Variants in KCNH7 observed in about 807,000 individuals in gnomAD.
The protein encoded by KCNH7 is voltage-gated inwardly rectifying potassium channel KCNH7.
Under a neutral mutation model 120.8 loss-of-function variants are expected in KCNH7, and 49 were observed. That is an observed-to-expected ratio of 0.41 (90% CI 0.32 to 0.51). The LOEUF (loss-of-function observed/expected upper bound fraction) is 0.51, where lower values mean the gene tolerates loss of function less well. Among genes scored for constraint, KCNH7 ranks in the 20% least tolerant of loss-of-function variants. The probability of loss-of-function intolerance (pLI) is 0.38; values close to 1 mark genes in which losing one functional copy is unlikely to be tolerated. For missense variants in KCNH7, 1,097 were observed against 1,446.6 expected (o/e 0.76, Z 3.92); for synonymous variants, 547 against 516.1 (o/e 1.06, Z -0.81).
At chr2:162,590,832 A>AGAG (rs909985859) in intron 2 of KCNH7, among the ~76,000 whole-genome samples, 3 of 152,162 alleles carry the variant, frequency 2.0e-5, no homozygotes, top group Admixed American at 2.0e-4. Context: ...CACATCTGTT[A>AGAG]GAGTAATTTT....
chr2:162,799,185 T>G (rs1684254061), intron 2 of KCNH7, among the ~76,000 whole-genome samples: 1 of 152,006 alleles, frequency 6.6e-6, no homozygotes, highest in African/African-American at 2.4e-5. Flanking sequence ...TGTTTTCTCC[T>G]TTTTAACTGG....
At chr2:162,529,514 T>G (rs892685584) in intron 3 of KCNH7, among the ~76,000 whole-genome samples, 2 of 151,970 alleles carry the variant, frequency 1.3e-5, no homozygotes, top group African/African-American at 4.8e-5. Context: ...ATTCATGCTA[T>G]AGAAGACATA....
intron 2 of KCNH7, among the ~76,000 whole-genome samples, chr2:162,790,886 G>A (rs537099271): frequency 4.4e-4 from 67 of 151,654 alleles, no homozygotes; most frequent in Non-Finnish European, 7.2e-4. Flanking sequence ...ACTCAATGGC[G>A]AAATGCTGAA....
At chr2:162,438,577 T>A (rs901426091) in intron 7 of KCNH7, among the ~76,000 whole-genome samples, 1 of 152,184 alleles carries the variant, frequency 6.6e-6, no homozygotes, top group East Asian at 1.9e-4. Flanking sequence ...GTAGTAATTA[T>A]GTCTCTCAGT....
At chr2:162,579,513 G>C (rs1693803423) in intron 2 of KCNH7, among the ~76,000 whole-genome samples, 1 of 152,018 alleles carries the variant, frequency 6.6e-6, no homozygotes, top group Non-Finnish European at 1.5e-5. Context: ...GTAGGTTGGA[G>C]ACTCGTTAAC....
intron 6 of KCNH7, among the ~76,000 whole-genome samples, chr2:162,472,624 C>A (rs901676846): frequency 7.7e-4 from 118 of 152,268 alleles, no homozygotes; most frequent in South Asian, 2.9e-3. Context: ...AATAGGAACA[C>A]TTTTACACTG....
intron 2 of KCNH7, among the ~76,000 whole-genome samples, chr2:162,683,436 T>C (rs1192072320): frequency 6.6e-6 from 1 of 151,950 alleles, no homozygotes; most frequent in Non-Finnish European, 1.5e-5. Context: ...TAATCACCTA[T>C]AATTTCCTTA....
At chr2:162,617,844 G>A (rs995391696) in intron 2 of KCNH7, among the ~76,000 whole-genome samples, 1 of 152,012 alleles carries the variant, frequency 6.6e-6, no homozygotes, top group Non-Finnish European at 1.5e-5. Context: ...ATCTTCTGCC[G>A]TCATTAAAAT....
chr2:162,831,372 G>C (rs1230673722), intron 2 of KCNH7, among the ~76,000 whole-genome samples: 1 of 152,128 alleles, frequency 6.6e-6, no homozygotes, highest in Non-Finnish European at 1.5e-5. Context: ...ACTTCGGAAG[G>C]ACAGCAGGCT....
chr2:162,767,280 T>TA (rs1230307403), intron 2 of KCNH7, among the ~76,000 whole-genome samples: 3 of 152,042 alleles, frequency 2.0e-5, no homozygotes, highest in Admixed American at 6.6e-5. Flanking sequence ...TTTAAAAAAA[T>TA]AAAAAAATAA....
At chr2:162,479,093 A>C (rs1173987585) in intron 6 of KCNH7, among the ~76,000 whole-genome samples, 2 of 151,692 alleles carry the variant, frequency 1.3e-5, no homozygotes, top group African/African-American at 2.4e-5. Flanking sequence ...GGAATGACTC[A>C]ATTATTGAAA....
chr2:162,756,452 C>T (rs1404574159), intron 2 of KCNH7, among the ~76,000 whole-genome samples: 1 of 151,986 alleles, frequency 6.6e-6, no homozygotes, highest in Non-Finnish European at 1.5e-5. Context: ...AACTCTTTTG[C>T]TTCCATTTAA....
intron 9 of KCNH7, among the ~76,000 whole-genome samples, chr2:162,416,618 G>A (rs1687548557): frequency 6.6e-6 from 1 of 152,094 alleles, no homozygotes; most frequent in Admixed American, 6.6e-5. Flanking sequence ...CCACAGACAT[G>A]TTTTAGCTTT....
chr2:162,547,447 T>C (rs1212998996), intron 2 of KCNH7, among the ~76,000 whole-genome samples: 1 of 152,200 alleles, frequency 6.6e-6, no homozygotes, highest in Non-Finnish European at 1.5e-5. Context: ...ACTAATTTTA[T>C]TGCTCCCATG....
chr2:162,781,770 CA>C (rs1331244542), intron 2 of KCNH7, among the ~76,000 whole-genome samples: 1 of 152,060 alleles, frequency 6.6e-6, no homozygotes, highest in Non-Finnish European at 1.5e-5. Flanking sequence ...CTTAATGTTT[CA>C]GGGGGTCAGT....
chr2:162,496,512 A>G (rs1179007369), intron 6 of KCNH7, among the ~76,000 whole-genome samples: 15 of 152,088 alleles, frequency 9.9e-5, no homozygotes, highest in Non-Finnish European at 4.4e-5. Context: ...GAAGGGGGGA[A>G]ACTGGGAACC....
rs142392568 is a variant in KCNH7 at position 162,505,919 on chromosome 2, C to G, written c.914-1262G>C. On this transcript the variant is annotated intron_variant, in intron 5 of 15. Coordinates refer to ENST00000332142, the MANE Select transcript of KCNH7 (RefSeq NM_033272.4). ...TGCATTTTGGACAATAATCAATCAA[C>G]TTGGGTCAGATATAATACTAAGAAA... Among the ~76,000 whole-genome samples, 199 of 151,880 alleles carry G rather than the reference C, an allele frequency of 1.3e-3. 1 individual carries two copies. The highest frequency in any genetic ancestry group is 4.6e-3 in the African/African-American group (191 of 41,482).
intron 2 of KCNH7, among the ~76,000 whole-genome samples, chr2:162,782,554 G>A (rs960523074): frequency 2.6e-5 from 4 of 152,152 alleles, no homozygotes; most frequent in African/African-American, 9.7e-5. Flanking sequence ...AAGTTTGGGA[G>A]ACAAGACCAG....
At chr2:162,749,265 C>A (rs1200848811) in intron 2 of KCNH7, among the ~76,000 whole-genome samples, 2 of 151,114 alleles carry the variant, frequency 1.3e-5, no homozygotes, top group African/African-American at 4.9e-5. Flanking sequence ...TTTCGATCAC[C>A]TTTTTTTTAA....
Sources: allele counts gnomAD v4.1 joint callset (sites outside exome capture counted in the v4.1 genomes callset), GRCh38; gene constraint gnomAD v4.1.1; transcripts MANE v1.5; gene names NCBI Gene and HGNC (gene_info 2026-07-23, HGNC 2026-07-21).